The following MAP7 variants were observed in gnomAD, a reference collection of about 807,000 sequenced individuals.
MAP7 encodes the protein microtubule associated protein 7.
A neutral mutation model predicts 94.8 loss-of-function variants in MAP7; 52 were observed. That is an observed-to-expected ratio of 0.55 (90% CI 0.44 to 0.69). MAP7 has a LOEUF of 0.69. MAP7 is among the 30% of genes least tolerant of loss of function. MAP7 has a pLI of 0.00. For missense variants in MAP7, 940 were observed against 964.6 expected, an observed-to-expected ratio of 0.97 and a Z score of 0.34; for synonymous variants, 350 against 357.0, an observed-to-expected ratio of 0.98 and a Z score of 0.22.
intron 1 of MAP7, among the ~76,000 whole-genome samples, chr6:136,459,820 G>A (rs896511298): frequency 6.6e-5 from 10 of 152,112 alleles, no homozygotes; most frequent in Middle Eastern, 3.2e-3. Flanking sequence ...TCTAGAGATA[G>A]GATGTACAAC....
chr6:136,501,541 T>C (rs1019190455), intron 1 of MAP7, among the ~76,000 whole-genome samples: 2 of 152,216 alleles, frequency 1.3e-5, no homozygotes, highest in African/African-American at 4.8e-5. Context: ...CTAAATATTA[T>C]AATGCTGGAA....
At chr6:136,375,221 G>A (rs955287259) in intron 7 of MAP7, among the ~76,000 whole-genome samples, 2 of 152,162 alleles carry the variant, frequency 1.3e-5, no homozygotes, top group Non-Finnish European at 2.9e-5. Flanking sequence ...GCAGGTACTA[G>A]TCTAAGCATT....
chr6:136,505,271 GTGTGTGTATA>G lies in MAP7; in HGVS notation c.67+45061_67+45070del, dbSNP rs1472508353. 4.4e-4 allele frequency among the ~76,000 whole-genome samples: 42 copies of G among 95,444 alleles called. 1 individual carries two copies. The highest frequency in any genetic ancestry group is 2.3e-3 in the East Asian group (5 of 2,142). 62.6% of individuals were successfully genotyped at this position (95,444 alleles called of 152,430 possible). A position where few individuals can be genotyped will look rare whatever the true frequency, so the allele number is the denominator to read the frequency against. On this transcript the variant is annotated intron_variant, in intron 1 of 17. Coordinates refer to ENST00000354570, the MANE Select transcript of MAP7 (RefSeq NM_003980.6). ...ATGTAATGTGTGTGTGTGTGTGTGT[GTGTGTGTATA>G]TATATATATATATATATATATATAT... is the stretch of plus-strand genomic sequence containing the variant.
intron 1 of MAP7, among the ~76,000 whole-genome samples, chr6:136,528,748 C>T (rs2129055525): frequency 6.6e-6 from 1 of 152,346 alleles, no homozygotes; most frequent in South Asian, 2.1e-4. Flanking sequence ...AAGATGCTCT[C>T]ATCCTGCTGT....
chr6:136,436,955 AC>A (rs1796532790), intron 1 of MAP7, among the ~76,000 whole-genome samples: 2 of 152,214 alleles, frequency 1.3e-5, no homozygotes, highest in Non-Finnish European at 2.9e-5. Flanking sequence ...TAAAAATGAT[AC>A]AAATGTGAAA....
At chr6:136,487,853 A>G (rs1815259299) in intron 1 of MAP7, among the ~76,000 whole-genome samples, 1 of 152,234 alleles carries the variant, frequency 6.6e-6, no homozygotes, top group Admixed American at 6.5e-5. Flanking sequence ...ATGATGGCAC[A>G]AAAGATGCTT....
intron 6 of MAP7, among the ~76,000 whole-genome samples, chr6:136,379,123 T>C (rs1562332005): frequency 1.3e-5 from 2 of 152,248 alleles, no homozygotes; most frequent in Admixed American, 6.5e-5. Flanking sequence ...AGCAGTGTTC[T>C]ATATAACTAT....
At chr6:136,458,071 G>A (rs149506511) in intron 1 of MAP7, among the ~76,000 whole-genome samples, 3,587 of 152,196 alleles carry the variant, frequency 0.024, 64 homozygotes, top group South Asian at 0.056. Context: ...GACTAATAAA[G>A]GAATTCAGTG....
chr6:136,372,941 G>GTAA (rs1775008961), intron 7 of MAP7, among the ~76,000 whole-genome samples: 1 of 152,142 alleles, frequency 6.6e-6, no homozygotes, highest in African/African-American at 2.4e-5. Flanking sequence ...TAATTATGGA[G>GTAA]AGCAATGGTC....
At chr6:136,369,005 C>T (rs1361362402) in intron 8 of MAP7, among the ~76,000 whole-genome samples, 1 of 152,162 alleles carries the variant, frequency 6.6e-6, no homozygotes, top group Non-Finnish European at 1.5e-5. Flanking sequence ...GATTTCACAA[C>T]ATATTACAGG....
chr6:136,389,846 C>A (rs1229695726), intron 3 of MAP7, among the ~76,000 whole-genome samples: 1 of 152,070 alleles, frequency 6.6e-6, no homozygotes, highest in Non-Finnish European at 1.5e-5. Flanking sequence ...TCAATAGTAC[C>A]ATCTGTCTCT....
rs1315074353 is a variant in MAP7 at position 136,360,107 on chromosome 6, T to C, written c.1804-76A>G. 1.7e-5 allele frequency: 19 copies of C among 1,129,628 alleles called. No individual in the cohort carries two copies. The East Asian group carries it at 2.6e-4, about 15-fold the overall frequency. 70.0% of individuals were successfully genotyped at this position (1,129,628 alleles called of 1,614,324 possible). On this transcript the variant is annotated intron_variant, in intron 13 of 17. Coordinates refer to ENST00000354570, the MANE Select transcript of MAP7 (RefSeq NM_003980.6). ...AGCCTGGCATATTTAACTGATGAAATAGATTATTTAAAATGGTCTGTTATT... is the reference window on the plus strand; with the variant it reads ...AGCCTGGCATATTTAACTGATGAAACAGATTATTTAAAATGGTCTGTTATT...
At position 136,418,616 on chromosome 6, in the gene MAP7, C is replaced by G. The variant is rs190279961; in HGVS notation, c.166+3085G>C. Among the ~76,000 whole-genome samples the G allele has an allele frequency of 3.5e-3, 531 of 152,234 alleles. 2 individuals are homozygous for G. Among genetic ancestry groups the G allele is most frequent in the Non-Finnish European group, 6.3e-3 (426 of 68,024 alleles). On this transcript the variant is annotated intron_variant, in intron 2 of 17. Coordinates refer to ENST00000354570, the MANE Select transcript of MAP7 (RefSeq NM_003980.6). The stretch of plus-strand genomic sequence containing the variant: ...GGAGCCTTCTAATGAGTTTAAGTAT[C>G]AGAAGGTAAAAGAGGAAAGAACATT...
intron 1 of MAP7, among the ~76,000 whole-genome samples, chr6:136,549,103 C>A (rs551989152): frequency 6.6e-6 from 1 of 152,314 alleles, no homozygotes; most frequent in Non-Finnish European, 1.5e-5. Flanking sequence ...TTAGACTTTA[C>A]GTACCCAACC....
At chr6:136,479,770 C>T (rs965695139) in intron 1 of MAP7, among the ~76,000 whole-genome samples, 16 of 151,928 alleles carry the variant, frequency 1.1e-4, no homozygotes, top group Non-Finnish European at 1.3e-4. Flanking sequence ...AAATAAAATA[C>T]CCAGAAATAA....
At chr6:136,454,234 G>A (rs1031795510) in intron 1 of MAP7, among the ~76,000 whole-genome samples, 5 of 151,862 alleles carry the variant, frequency 3.3e-5, no homozygotes, top group African/African-American at 1.2e-4. Context: ...ATGCTAATTT[G>A]GATTTAAATG....
intron 2 of MAP7, among the ~76,000 whole-genome samples, chr6:136,420,721 G>A (rs1269728114): frequency 1.3e-5 from 2 of 152,050 alleles, no homozygotes; most frequent in Non-Finnish European, 2.9e-5. Context: ...TTCCACTAAT[G>A]GCAGCTTAAG....
At chr6:136,500,266 C>T (rs2129008264) in intron 1 of MAP7, among the ~76,000 whole-genome samples, 1 of 152,280 alleles carries the variant, frequency 6.6e-6, no homozygotes, top group African/African-American at 2.4e-5. Flanking sequence ...ACAATTATCC[C>T]AATAAAAATT....
chr6:136,384,945 T>C lies in MAP7; in HGVS notation c.527-1164A>G, dbSNP rs367748886. Among the ~76,000 whole-genome samples, 89 of 152,284 alleles carry C rather than the reference T, an allele frequency of 5.8e-4. 2 individuals are homozygous for C. In the South Asian group the frequency reaches 0.017, roughly 29 times the overall value. On this transcript the variant is annotated intron_variant, in intron 5 of 17. Transcript: ENST00000354570. The stretch of plus-strand genomic sequence containing the variant: ...CTGCATGTAATGAAAGTCTAAAAAG[T>C]CTTATTCCTAATTTATCCAGGAGGC...
Sources: gnomAD v4.1 joint callset for allele counts (sites outside exome capture counted in the v4.1 genomes callset) on GRCh38, gnomAD v4.1.1 for gene constraint, MANE v1.5 for transcripts, NCBI Gene and HGNC (gene_info 2026-07-23, HGNC 2026-07-21) for gene names.